CSMD1: variants seen among roughly 807,000 people sequenced by gnomAD.
The protein encoded by CSMD1 is CUB and sushi domain-containing protein 1.
In CSMD1, 213 loss-of-function variants were observed where a neutral mutation model predicts 417.5. The observed-to-expected ratio is 0.51, with a 90% confidence interval of 0.46 to 0.57. CSMD1 has a LOEUF of 0.57. Among genes scored for constraint, CSMD1 ranks in the 20% least tolerant of loss-of-function variants. The pLI, the probability that CSMD1 is intolerant of heterozygous loss-of-function variation, is 0.00. For synonymous variants in CSMD1, 2,862 were observed against 1,736.8 expected (o/e 1.65, Z -16.11); for missense variants, 6,923 against 4,529.7 (o/e 1.53, Z -15.17).
intron 1 of CSMD1, among the ~76,000 whole-genome samples, chr8:4,941,810 G>C (rs978395856): frequency 1.3e-5 from 2 of 152,050 alleles, no homozygotes; most frequent in Non-Finnish European, 2.9e-5. Context: ...TGTTGCCCAG[G>C]ATGGTCTTGA....
At chr8:4,798,391 T>C (rs551890702) in intron 1 of CSMD1, among the ~76,000 whole-genome samples, 2 of 152,332 alleles carry the variant, frequency 1.3e-5, no homozygotes, top group Non-Finnish European at 2.9e-5. Context: ...TGTGCATTTT[T>C]AATGACTAAA....
intron 7 of CSMD1, among the ~76,000 whole-genome samples, chr8:3,621,067 T>A (rs561883198): frequency 6.6e-6 from 1 of 152,168 alleles, no homozygotes; most frequent in East Asian, 1.9e-4. Flanking sequence ...GGAAAGTCCA[T>A]GTGAAGACAC....
rs192081671 is a variant in CSMD1, at chr8:4,187,688, A to C, written c.416-155589T>G. ...TGAAACTCCGTCTCAAAAAAAAAAA[A>C]AAAAAAGCATTCAGGAAGTTTATTC... is the stretch of plus-strand genomic sequence containing the variant. On this transcript the variant is annotated intron_variant, in intron 3 of 69. Transcript: ENST00000635120. 2.2e-4 allele frequency among the ~76,000 whole-genome samples: 34 copies of C among 151,652 alleles called. 1 individual carries two copies. Among genetic ancestry groups the C allele is most frequent in the African/African-American group, 7.5e-4 (31 of 41,388 alleles).
chr8:4,310,631 G>C (rs941914808), intron 3 of CSMD1, among the ~76,000 whole-genome samples: 1 of 152,132 alleles, frequency 6.6e-6, no homozygotes, highest in Non-Finnish European at 1.5e-5. Flanking sequence ...TAGGAAAAAT[G>C]AGTCAGACAC....
At chr8:3,655,226 G>T (rs1248181348) in intron 7 of CSMD1, among the ~76,000 whole-genome samples, 1 of 151,964 alleles carries the variant, frequency 6.6e-6, no homozygotes, top group Non-Finnish European at 1.5e-5. Context: ...CATCTAAAAC[G>T]TCAAGGTTTT....
chr8:3,085,845 C>G (rs535540990), intron 49 of CSMD1, among the ~76,000 whole-genome samples: 1 of 152,164 alleles, frequency 6.6e-6, no homozygotes, highest in African/African-American at 2.4e-5. Flanking sequence ...TGGCATCACC[C>G]GAATCCCTTT....
chr8:4,983,204 T>G (rs1421106403), intron 1 of CSMD1, among the ~76,000 whole-genome samples: 3 of 152,214 alleles, frequency 2.0e-5, no homozygotes, highest in Non-Finnish European at 2.9e-5. Context: ...CAAGTTCTAG[T>G]CTCAGTACAT....
intron 8 of CSMD1, among the ~76,000 whole-genome samples, chr8:3,594,786 G>A (rs1180317646): frequency 6.6e-6 from 1 of 152,206 alleles, no homozygotes; most frequent in African/African-American, 2.4e-5. Flanking sequence ...GGCCGGTTGG[G>A]AAGGTGTTAA....
chr8:4,072,198 G>A (rs150391499), intron 3 of CSMD1, among the ~76,000 whole-genome samples: 102 of 152,142 alleles, frequency 6.7e-4, no homozygotes, highest in African/African-American at 2.3e-3. Context: ...TCTGTTTTAC[G>A]TATTTATTTT....
intron 3 of CSMD1, among the ~76,000 whole-genome samples, chr8:4,326,093 G>C (rs188456795): frequency 6.6e-6 from 1 of 152,316 alleles, no homozygotes; most frequent in Admixed American, 6.5e-5. Context: ...CCAGAACGGA[G>C]TGGTAAATCA....
intron 4 of CSMD1, among the ~76,000 whole-genome samples, chr8:4,023,609 C>T (rs1223380514): frequency 1.4e-5 from 2 of 145,578 alleles, no homozygotes; most frequent in East Asian, 2.1e-4. Context: ...TTTCCTGACA[C>T]GGAGTCTCGC....
intron 10 of CSMD1, among the ~76,000 whole-genome samples, chr8:3,511,518 G>T (rs755908957): frequency 6.6e-6 from 1 of 151,672 alleles, no homozygotes; most frequent in Non-Finnish European, 1.5e-5. Flanking sequence ...ACTTTGGGAG[G>T]CCGAGGCAGG....
chr8:4,863,883 T>C (rs1189665264), intron 1 of CSMD1, among the ~76,000 whole-genome samples: 3 of 152,042 alleles, frequency 2.0e-5, no homozygotes, highest in Non-Finnish European at 4.4e-5. Flanking sequence ...CACAAAATTG[T>C]ATAAATTAAA....
At chr8:3,245,403 CCT>C (rs1251712384) in intron 26 of CSMD1, among the ~76,000 whole-genome samples, 1 of 152,200 alleles carries the variant, frequency 6.6e-6, no homozygotes, top group Non-Finnish European at 1.5e-5. Context: ...GACTTTTCCC[CCT>C]CTCTTTCTTA....
At chr8:3,629,247 T>A (rs1796653521) in intron 7 of CSMD1, among the ~76,000 whole-genome samples, 1 of 152,112 alleles carries the variant, frequency 6.6e-6, no homozygotes, top group Non-Finnish European at 1.5e-5. Context: ...GAGGCAAAGG[T>A]CAAACCATGA....
At chr8:3,817,292 T>TTA (rs1801439140) in intron 5 of CSMD1, among the ~76,000 whole-genome samples, 11 of 93,546 alleles carry the variant, frequency 1.2e-4, no homozygotes, top group African/African-American at 4.8e-4. Flanking sequence ...TTTTTTTTTT[T>TTA]TTTTTTGAGA....
At chr8:3,132,934 C>A (rs1352085182) in intron 41 of CSMD1, among the ~76,000 whole-genome samples, 1 of 152,212 alleles carries the variant, frequency 6.6e-6, no homozygotes, top group African/African-American at 2.4e-5. Context: ...AGTGGGAAGA[C>A]CCTCCTTCGC....
chr8:3,510,186 T>G (rs561494745), intron 10 of CSMD1, among the ~76,000 whole-genome samples: 1 of 150,706 alleles, frequency 6.6e-6, no homozygotes, highest in South Asian at 2.1e-4. Flanking sequence ...AAGTAGGGTG[T>G]GCTGTACTGT....
intron 7 of CSMD1, among the ~76,000 whole-genome samples, chr8:3,632,736 A>T (rs1796846425): frequency 6.6e-6 from 1 of 152,310 alleles, no homozygotes; most frequent in South Asian, 2.1e-4. Context: ...GACCACACCA[A>T]TGTCCTTGCC....
Sources: gnomAD v4.1 joint callset for allele counts (sites outside exome capture counted in the v4.1 genomes callset) on GRCh38, gnomAD v4.1.1 for gene constraint, MANE v1.5 for transcripts, NCBI Gene and HGNC (gene_info 2026-07-23, HGNC 2026-07-21) for gene names.